LBH: variants seen among roughly 807,000 people sequenced by gnomAD.
The protein encoded by LBH is LBH regulator of Wnt signaling pathway, also known as protein LBH.
Under a neutral mutation model 12.5 loss-of-function variants are expected in LBH, and 7 were observed. The ratio of observed to expected loss-of-function variants is 0.56; its 90% CI spans 0.32 to 1.05. The LOEUF (loss-of-function observed/expected upper bound fraction) is 1.05, where lower values mean the gene tolerates loss of function less well. Among genes scored for constraint, LBH ranks in the 50% least tolerant of loss-of-function variants. The pLI is 0.04. For missense variants in LBH, 119 were observed against 138.9 expected (o/e 0.86, Z 0.72); for synonymous variants, 51 against 50.1 (o/e 1.02, Z -0.08).
At chr2:30,256,747 C>T (rs1376049342) in intron 2 of LBH, 3 of 152,952 alleles carry the variant, frequency 2.0e-5, no homozygotes, top group Middle Eastern at 3.3e-3. Flanking sequence ...AGGATGGTCT[C>T]GATCTCCTGA....
intron 2 of LBH, among the ~76,000 whole-genome samples, chr2:30,237,344 C>A (rs1677705756): frequency 6.6e-6 from 1 of 152,222 alleles, no homozygotes; most frequent in Non-Finnish European, 1.5e-5. Context: ...CCTTGCAGAT[C>A]TATCGAGAGT....
chr2:30,247,443 T>C (rs1309076522), intron 2 of LBH, among the ~76,000 whole-genome samples: 2 of 152,254 alleles, frequency 1.3e-5, no homozygotes, highest in Non-Finnish European at 2.9e-5. Flanking sequence ...AAAGCTCTAT[T>C]TTTATCATTG....
At chr2:30,249,590 A>ACCCG (rs1677941730) in intron 2 of LBH, among the ~76,000 whole-genome samples, 1 of 152,206 alleles carries the variant, frequency 6.6e-6, no homozygotes, top group South Asian at 2.1e-4. Context: ...GTCCTAACCC[A>ACCCG]CGCCCTGGGG....
chr2:30,244,067 A>G (rs1246336921), intron 2 of LBH, among the ~76,000 whole-genome samples: 1 of 152,208 alleles, frequency 6.6e-6, no homozygotes, highest in Non-Finnish European at 1.5e-5. Context: ...TAGATTTTTA[A>G]ACAAGTATGT....
At chr2:30,246,354 A>T (rs1677869173) in intron 2 of LBH, among the ~76,000 whole-genome samples, 1 of 152,118 alleles carries the variant, frequency 6.6e-6, no homozygotes, top group Non-Finnish European at 1.5e-5. Context: ...TTTTAGGACT[A>T]CCCAAAGAGC....
At chr2:30,247,216 ACTTTG>A (rs1473198809) in intron 2 of LBH, among the ~76,000 whole-genome samples, 2 of 151,628 alleles carry the variant, frequency 1.3e-5, no homozygotes, top group African/African-American at 4.9e-5. Context: ...TCTATTTTGC[ACTTTG>A]AGTGCATCTT....
Position 30,257,790 on chromosome 2 carries a change from CTTTT to C in LBH, c.*179_*182del. 3 of 400,774 alleles carry C rather than the reference CTTTT, an allele frequency of 7.5e-6. No homozygotes were observed. The highest frequency in any genetic ancestry group is 1.3e-5 in the Non-Finnish European group (3 of 233,898). 24.8% of individuals were successfully genotyped at this position (400,774 alleles called of 1,614,324 possible). A position where few individuals can be genotyped will look rare whatever the true frequency, so the allele number is the denominator to read the frequency against. On this transcript the variant is annotated 3_prime_UTR_variant, in exon 3 of 3. Transcript: ENST00000395323. ...AGTTGGTTTTCTTTTCTTTTCTTGC[CTTTT>C]TTTTTTTTTGAAATTTGCCGAGCAG... is the stretch of plus-strand genomic sequence containing the variant.
intron 2 of LBH, among the ~76,000 whole-genome samples, chr2:30,239,468 C>T (rs192586501): frequency 6.6e-6 from 1 of 152,312 alleles, no homozygotes; most frequent in Admixed American, 6.5e-5. Context: ...GTTTGGGAGG[C>T]GCTGCTGAGC....
At chr2:30,243,880 G>A (rs1677829493) in intron 2 of LBH, among the ~76,000 whole-genome samples, 1 of 152,116 alleles carries the variant, frequency 6.6e-6, no homozygotes, top group Admixed American at 6.6e-5. Context: ...CTTGGACCCA[G>A]TGTCGAAGGG....
intron 1 of LBH, 131 bp from the exon 2 acceptor site, chr2:30,234,274 G>T: frequency 1.4e-6 from 1 of 723,034 alleles, no homozygotes; most frequent in South Asian, 1.7e-5. Context: ...TTGTTTTGCT[G>T]CAAGTTCTGT....
chr2:30,239,331 G>A (rs116530756), intron 2 of LBH, among the ~76,000 whole-genome samples: 85 of 152,264 alleles, frequency 5.6e-4, no homozygotes, highest in African/African-American at 1.9e-3. Context: ...TTTCTGGTCC[G>A]TGGCCTCTGT....
chr2:30,235,851 G>A (rs180820080), intron 2 of LBH, among the ~76,000 whole-genome samples: 21 of 152,254 alleles, frequency 1.4e-4, no homozygotes, highest in African/African-American at 4.8e-4. Context: ...ATATTGGCAG[G>A]CCTGTCTTGA....
At chr2:30,239,082 G>T (rs894830784) in intron 2 of LBH, among the ~76,000 whole-genome samples, 3 of 151,814 alleles carry the variant, frequency 2.0e-5, no homozygotes, top group Admixed American at 1.3e-4. Flanking sequence ...GTAGAGACGG[G>T]GTCTCTCCAC....
chr2:30,242,096 A>G (rs1298660520), intron 2 of LBH, among the ~76,000 whole-genome samples: 6 of 152,316 alleles, frequency 3.9e-5, no homozygotes, highest in African/African-American at 1.4e-4. Context: ...TATGTATATA[A>G]AAAGTTATAT....
chr2:30,245,546 G>A (rs1206600634), intron 2 of LBH, among the ~76,000 whole-genome samples: 1 of 152,136 alleles, frequency 6.6e-6, no homozygotes, highest in Non-Finnish European at 1.5e-5. Flanking sequence ...GTCCTCTACA[G>A]TAGCCTGACA....
intron 1 of LBH, among the ~76,000 whole-genome samples, 164 bp downstream of exon 1, chr2:30,231,928 G>T (rs1347390969): frequency 7.5e-6 from 1 of 132,942 alleles, no homozygotes; most frequent in East Asian, 2.7e-4. Context: ...AGGTTGCAAA[G>T]GTGGGGGTGG....
chr2:30,232,509 C>T (rs1001606001), intron 1 of LBH: 4 of 308,640 alleles, frequency 1.3e-5, no homozygotes, highest in Non-Finnish European at 2.4e-5. Context: ...CTGGGACTTC[C>T]TTGCTGGCAG....
chr2:30,249,725 T>C (rs552395327), intron 2 of LBH, among the ~76,000 whole-genome samples: 1 of 152,350 alleles, frequency 6.6e-6, no homozygotes, highest in East Asian at 1.9e-4. Context: ...AAGCCACAGC[T>C]GTTGACCCCT....
chr2:30,250,326 A>C (rs908313394), intron 2 of LBH, among the ~76,000 whole-genome samples: 4 of 151,856 alleles, frequency 2.6e-5, no homozygotes, highest in African/African-American at 9.7e-5. Flanking sequence ...AAAAAAGAGC[A>C]AGATGTCCAG....
Sources: gnomAD v4.1 joint callset for allele counts (sites outside exome capture counted in the v4.1 genomes callset) on GRCh38, gnomAD v4.1.1 for gene constraint, MANE v1.5 for transcripts, NCBI Gene and HGNC (gene_info 2026-07-23, HGNC 2026-07-21) for gene names.